Variants in FRMD4A observed in about 807,000 individuals in gnomAD.
The protein encoded by FRMD4A is FERM domain containing 4A, also known as FERM domain-containing protein 4A.
FRMD4A carries 29 observed loss-of-function variants against 129.1 expected under a neutral mutation model. That is an observed-to-expected ratio of 0.22 (90% confidence interval 0.17 to 0.31). The LOEUF (loss-of-function observed/expected upper bound fraction) is 0.31, where lower values mean the gene tolerates loss of function less well. Among genes scored for constraint, FRMD4A ranks in the 10% least tolerant of loss-of-function variants. The probability of loss-of-function intolerance (pLI) is 1.00; values close to 1 mark genes in which losing one functional copy is unlikely to be tolerated. For synonymous variants in FRMD4A, 634 were observed against 571.6 expected, an observed-to-expected ratio of 1.11 and a Z score of -1.56; for missense variants, 1,272 against 1,375.8, an observed-to-expected ratio of 0.92 and a Z score of 1.19.
intron 2 of FRMD4A, among the ~76,000 whole-genome samples, chr10:14,115,886 A>G (rs566494958): frequency 6.6e-6 from 1 of 152,366 alleles, no homozygotes; most frequent in East Asian, 1.9e-4. Context: ...ATGCAAATGG[A>G]CTAAGACAGA....
chr10:14,215,077 T>C (rs1843034870), intron 2 of FRMD4A, among the ~76,000 whole-genome samples: 1 of 152,190 alleles, frequency 6.6e-6, no homozygotes, highest in African/African-American at 2.4e-5. Context: ...CACCAACAGT[T>C]GGACTATTGA....
At chr10:14,238,369 G>A (rs1287086207) in intron 2 of FRMD4A, among the ~76,000 whole-genome samples, 2 of 152,126 alleles carry the variant, frequency 1.3e-5, no homozygotes, top group Admixed American at 6.5e-5. Context: ...GTGGCGTTCG[G>A]CCAAGAAATT....
intron 2 of FRMD4A, among the ~76,000 whole-genome samples, chr10:14,053,404 A>T (rs1251305105): frequency 6.6e-6 from 1 of 152,196 alleles, no homozygotes; most frequent in East Asian, 1.9e-4. Flanking sequence ...CACCTTGTGC[A>T]GCCTGAAAAC....
At chr10:14,224,555 G>A (rs1843372260) in intron 2 of FRMD4A, among the ~76,000 whole-genome samples, 1 of 152,164 alleles carries the variant, frequency 6.6e-6, no homozygotes, top group Admixed American at 6.5e-5. Flanking sequence ...AAAATTGTTT[G>A]CACTTTGATT....
chr10:14,142,417 C>T (rs1365158481), intron 2 of FRMD4A, among the ~76,000 whole-genome samples: 2 of 152,202 alleles, frequency 1.3e-5, no homozygotes, highest in Non-Finnish European at 2.9e-5. Flanking sequence ...CTCATGGTGA[C>T]TGCTTCTTAA....
chr10:13,969,555 TAA>T (rs1381391203), intron 2 of FRMD4A, among the ~76,000 whole-genome samples: 1 of 152,150 alleles, frequency 6.6e-6, no homozygotes, highest in Non-Finnish European at 1.5e-5. Flanking sequence ...TTAGTTGATT[TAA>T]AAGACAAAGA....
chr10:14,325,058 C>T (rs762807768), intron 2 of FRMD4A, among the ~76,000 whole-genome samples: 6 of 152,212 alleles, frequency 3.9e-5, no homozygotes, highest in Non-Finnish European at 5.9e-5. Flanking sequence ...AGATGTCCTG[C>T]CTAACCTGCC....
At position 13,644,960 on chromosome 10, in the gene FRMD4A, C is replaced by G. The variant is rs957612700; in HGVS notation, c.*2078G>C. 1.3e-5 allele frequency: 2 copies of G among 152,260 alleles called. No homozygotes were observed. The highest frequency in any genetic ancestry group is 4.8e-5 in the African/African-American group (2 of 41,462). 9.4% of individuals were successfully genotyped at this position (152,260 alleles called of 1,614,324 possible). A position where few individuals can be genotyped will look rare whatever the true frequency, so the allele number is the denominator to read the frequency against. On this transcript the variant is annotated 3_prime_UTR_variant, in exon 25 of 25. Coordinates refer to ENST00000357447, the MANE Select transcript of FRMD4A (RefSeq NM_018027.5). ...CTGGGAATATGAATCCCTTCTGCACCCTGGAATCACCAGTCCAGCCATGCA... is the reference window on the plus strand; with the variant it reads ...CTGGGAATATGAATCCCTTCTGCACGCTGGAATCACCAGTCCAGCCATGCA...
chr10:13,670,634 T>A (rs1165153481), intron 16 of FRMD4A, 106 bp from the exon 17 acceptor site: 20 of 1,075,110 alleles, frequency 1.9e-5, no homozygotes, highest in Non-Finnish European at 1.5e-5. Context: ...AATGCACGCA[T>A]GCACTTCGAT....
At chr10:14,267,802 T>C (rs1845028761) in intron 2 of FRMD4A, among the ~76,000 whole-genome samples, 1 of 152,194 alleles carries the variant, frequency 6.6e-6, no homozygotes, top group African/African-American at 2.4e-5. Flanking sequence ...TTGGGAAAAC[T>C]CGATTGCCAT....
At chr10:13,689,056 C>T (rs2085383256) in intron 15 of FRMD4A, among the ~76,000 whole-genome samples, 1 of 151,890 alleles carries the variant, frequency 6.6e-6, no homozygotes. Flanking sequence ...CATCTGAGGC[C>T]TCAGATACCA....
chr10:14,129,708 T>C lies in FRMD4A; in HGVS notation c.45+200350A>G, dbSNP rs143135029. On this transcript the variant is annotated intron_variant, in intron 2 of 24. Transcript: ENST00000357447. ...AGTTCTGTGTGCTATTTTGCTGGGT[T>C]TATGTATTCCTATTCCTTCATCTTT... is the stretch of plus-strand genomic sequence containing the variant. Among the ~76,000 whole-genome samples, 4 of 152,158 alleles carry C rather than the reference T, an allele frequency of 2.6e-5. No homozygotes were observed. The East Asian group carries it at 7.7e-4, about 29-fold the overall frequency.
intron 2 of FRMD4A, among the ~76,000 whole-genome samples, chr10:14,252,171 T>C (rs1844462852): frequency 6.6e-6 from 1 of 152,208 alleles, no homozygotes; most frequent in East Asian, 1.9e-4. Flanking sequence ...TCTCCTTTCC[T>C]CTCCTAGTTT....
chr10:14,167,283 G>A (rs1841232614), intron 2 of FRMD4A, among the ~76,000 whole-genome samples: 1 of 152,110 alleles, frequency 6.6e-6, no homozygotes, highest in Non-Finnish European at 1.5e-5. Context: ...TGTAATCCCA[G>A]CAGTTTGGGA....
intron 4 of FRMD4A, among the ~76,000 whole-genome samples, chr10:13,799,293 G>C (rs1358338059): frequency 6.6e-6 from 1 of 152,182 alleles, no homozygotes; most frequent in African/African-American, 2.4e-5. Flanking sequence ...GAGTAGCTGG[G>C]ACTACAGGCG....
intron 2 of FRMD4A, among the ~76,000 whole-genome samples, chr10:14,222,251 G>A (rs551421777): frequency 7.0e-4 from 106 of 152,246 alleles, no homozygotes; most frequent in African/African-American, 2.4e-3. Context: ...GTTCTTTGTC[G>A]ACAGGGCCGA....
At chr10:14,263,304 T>A (rs1356888039) in intron 2 of FRMD4A, among the ~76,000 whole-genome samples, 1 of 152,178 alleles carries the variant, frequency 6.6e-6, no homozygotes, top group East Asian at 1.9e-4. Context: ...ACAGGGCATA[T>A]GGCTTTGACT....
chr10:14,001,877 T>C (rs2095644062), intron 2 of FRMD4A, among the ~76,000 whole-genome samples: 1 of 152,220 alleles, frequency 6.6e-6, no homozygotes, highest in African/African-American at 2.4e-5. Context: ...AAATATCCAC[T>C]GAAAGCCGTC....
chr10:14,158,422 G>A (rs561287499), intron 2 of FRMD4A, among the ~76,000 whole-genome samples: 33 of 152,174 alleles, frequency 2.2e-4, no homozygotes, highest in African/African-American at 8.0e-4. Flanking sequence ...ACAAGCTTGG[G>A]CAACACAGCA....
Sources: gnomAD v4.1 joint callset for allele counts (sites outside exome capture counted in the v4.1 genomes callset) on GRCh38, gnomAD v4.1.1 for gene constraint, MANE v1.5 for transcripts, NCBI Gene and HGNC (gene_info 2026-07-23, HGNC 2026-07-21) for gene names.